FGF12: variants seen among roughly 807,000 people sequenced by gnomAD.
FGF12 encodes fibroblast growth factor 12.
A neutral mutation model predicts 23.6 loss-of-function variants in FGF12; 14 were observed. The observed-to-expected ratio is 0.59, with a 90% CI of 0.39 to 0.93. The LOEUF (loss-of-function observed/expected upper bound fraction) is 0.93, where lower values mean the gene tolerates loss of function less well. Ranked by LOEUF, FGF12 falls within the 40% of genes least tolerant of loss-of-function variation. FGF12 has a pLI of 0.00. For missense variants in FGF12, 175 were observed against 217.8 expected (o/e 0.80, Z 1.24); for synonymous variants, 62 against 77.3 (o/e 0.80, Z 1.04).
At chr3:192,158,493 C>CCTTTCTCT (rs369709833) in intron 5 of FGF12, among the ~76,000 whole-genome samples, 1,807 of 145,888 alleles carry the variant, frequency 0.012, 58 homozygotes, top group African/African-American at 0.044. Context: ...TCCCTTCCTT[C>CCTTTCTCT]CTCTCTCTTT....
chr3:192,483,727 A>C (rs769072475), intron 2 of FGF12, among the ~76,000 whole-genome samples: 1 of 152,144 alleles, frequency 6.6e-6, no homozygotes, highest in Non-Finnish European at 1.5e-5. Flanking sequence ...ATTTGGATGC[A>C]TTAAAAGGAA....
At chr3:192,392,383 C>T (rs1720328914) in intron 2 of FGF12, among the ~76,000 whole-genome samples, 2 of 151,090 alleles carry the variant, frequency 1.3e-5, no homozygotes. Context: ...GCCTGACCAA[C>T]ATGGAGAAAC....
At chr3:192,315,309 C>T (rs1022038544) in intron 4 of FGF12, among the ~76,000 whole-genome samples, 4 of 152,064 alleles carry the variant, frequency 2.6e-5, no homozygotes, top group African/African-American at 9.7e-5. Flanking sequence ...GCTATATGTT[C>T]AAAGAGCCAA....
chr3:192,676,566 C>T (rs1183257506), intron 2 of FGF12, among the ~76,000 whole-genome samples: 1 of 152,080 alleles, frequency 6.6e-6, no homozygotes, highest in East Asian at 1.9e-4. Context: ...ACTGTGTCTC[C>T]CCAAAATTCA....
At chr3:192,153,327 AT>A (rs1310583652) in intron 5 of FGF12, among the ~76,000 whole-genome samples, 1 of 40,696 alleles carries the variant, frequency 2.5e-5, no homozygotes, top group Non-Finnish European at 5.1e-5. Context: ...GAAAGTTAAT[AT>A]TGTTATGTGT....
At chr3:192,320,702 C>T (rs894988431) in intron 4 of FGF12, among the ~76,000 whole-genome samples, 7 of 151,926 alleles carry the variant, frequency 4.6e-5, no homozygotes, top group Non-Finnish European at 8.8e-5. Context: ...AAATAATATG[C>T]TCCTGAATAT....
chr3:192,210,932 G>A (rs536751581), intron 4 of FGF12, among the ~76,000 whole-genome samples: 8 of 152,322 alleles, frequency 5.3e-5, no homozygotes, highest in Admixed American at 3.9e-4. Flanking sequence ...CAACAGGAGA[G>A]AAGTCAGAGA....
intron 2 of FGF12, among the ~76,000 whole-genome samples, chr3:192,660,810 A>C (rs2108684074): frequency 6.7e-6 from 1 of 150,300 alleles, no homozygotes; most frequent in South Asian, 2.1e-4. Context: ...TTGGGGAATA[A>C]GGGAAAACAG....
At position 192,139,767 on chromosome 3, in the gene FGF12, T is replaced by A. The variant is rs924123298; in HGVS notation, c.*4242A>T. 3.3e-5 allele frequency: 5 copies of A among 152,088 alleles called. No individual in the cohort carries two copies. Among genetic ancestry groups the A allele is most frequent in the African/African-American group, 9.7e-5 (4 of 41,434 alleles). 9.4% of individuals were successfully genotyped at this position (152,088 alleles called of 1,614,324 possible). ...AAGCTCAATACATCATTCTGAACAT[T>A]ATTAATTTTCACTTAACTTAGATTT... is the stretch of plus-strand genomic sequence containing the variant. On this transcript the variant is annotated 3_prime_UTR_variant, in exon 6 of 6. Transcript: ENST00000445105.
At chr3:192,228,537 A>T (rs1718855190) in intron 4 of FGF12, among the ~76,000 whole-genome samples, 1 of 152,130 alleles carries the variant, frequency 6.6e-6, no homozygotes, top group Non-Finnish European at 1.5e-5. Flanking sequence ...TTTGGACAGT[A>T]TACACAGACA....
intron 4 of FGF12, among the ~76,000 whole-genome samples, chr3:192,246,979 C>A (rs2108601292): frequency 7.6e-6 from 1 of 131,036 alleles, no homozygotes; most frequent in Admixed American, 8.8e-5. Context: ...GGAGAAAAGG[C>A]AGGGAAGGAA....
intron 2 of FGF12, among the ~76,000 whole-genome samples, chr3:192,414,699 CCAGGCCTT>C (rs1721291600): frequency 2.6e-5 from 4 of 152,122 alleles, no homozygotes; most frequent in African/African-American, 9.7e-5. Flanking sequence ...TGAGTTTAAT[CCAGGCCTT>C]TTAACCTCAA....
intron 2 of FGF12, among the ~76,000 whole-genome samples, chr3:192,548,525 G>C (rs2070902382): frequency 6.6e-6 from 1 of 152,072 alleles, no homozygotes; most frequent in African/African-American, 2.4e-5. Flanking sequence ...GATTTTGCTA[G>C]ATTGATTCTT....
intron 2 of FGF12, among the ~76,000 whole-genome samples, chr3:192,618,826 C>A (rs185439254): frequency 6.6e-6 from 1 of 151,670 alleles, no homozygotes; most frequent in Non-Finnish European, 1.5e-5. Context: ...TCCAAGAATC[C>A]GCCTTAAATT....
intron 2 of FGF12, among the ~76,000 whole-genome samples, chr3:192,633,718 G>A (rs1715480290): frequency 6.6e-6 from 1 of 152,124 alleles, no homozygotes; most frequent in African/African-American, 2.4e-5. Context: ...ATCAGCACAG[G>A]ATTAACTATC....
intron 4 of FGF12, among the ~76,000 whole-genome samples, chr3:192,180,830 T>C (rs977580326): frequency 6.6e-6 from 1 of 152,160 alleles, no homozygotes; most frequent in African/African-American, 2.4e-5. Context: ...CTGTGGGTGT[T>C]TGATCTTTGA....
At chr3:192,660,844 C>T (rs1560185401) in intron 2 of FGF12, among the ~76,000 whole-genome samples, 2 of 135,264 alleles carry the variant, frequency 1.5e-5, no homozygotes, top group African/African-American at 2.8e-5. Context: ...TTGGAAATTC[C>T]AGGGTTGGAT....
intron 2 of FGF12, among the ~76,000 whole-genome samples, chr3:192,682,487 G>A (rs1717568621): frequency 6.6e-6 from 1 of 152,302 alleles, no homozygotes; most frequent in South Asian, 2.1e-4. Flanking sequence ...CCTGTCAAGT[G>A]AGAGGTTTAG....
chr3:192,380,157 T>C (rs1303984398), intron 2 of FGF12, among the ~76,000 whole-genome samples: 1 of 152,206 alleles, frequency 6.6e-6, no homozygotes, highest in Non-Finnish European at 1.5e-5. Context: ...CCACTAATAA[T>C]TAAATAGATG....
Sources: allele counts gnomAD v4.1 joint callset (sites outside exome capture counted in the v4.1 genomes callset), GRCh38; gene constraint gnomAD v4.1.1; transcripts MANE v1.5; gene names NCBI Gene and HGNC (gene_info 2026-07-23, HGNC 2026-07-21).